CUX2: variants seen among roughly 807,000 people sequenced by gnomAD.
The protein encoded by CUX2 is cut like homeobox 2, also known as homeobox protein cut-like 2.
Under a neutral mutation model 144.8 loss-of-function variants are expected in CUX2, and 40 were observed. The ratio of observed to expected loss-of-function variants is 0.28; its 90% CI spans 0.21 to 0.36. The LOEUF is 0.36. CUX2 is among the 10% of genes least tolerant of loss of function. The pLI is 1.00. For missense variants in CUX2, 1,615 were observed against 1,994.0 expected, an observed-to-expected ratio of 0.81 and a Z score of 3.62; for synonymous variants, 827 against 875.6, an observed-to-expected ratio of 0.94 and a Z score of 0.98.
intron 1 of CUX2, among the ~76,000 whole-genome samples, chr12:111,199,859 G>A (rs1880471495): frequency 6.6e-6 from 1 of 152,060 alleles, no homozygotes; most frequent in Admixed American, 6.5e-5. Flanking sequence ...GTGCATTTAT[G>A]TGTCTGTGTG....
At chr12:111,319,959 G>C (rs1027699949) in intron 16 of CUX2, 53 bp from the exon 17 acceptor site, 30 of 1,417,864 alleles carry the variant, frequency 2.1e-5, no homozygotes, top group Non-Finnish European at 2.6e-5. Flanking sequence ...ATCGTCCCCT[G>C]CATGCCGAGC....
At chr12:111,317,531 A>G (rs965047241) in intron 16 of CUX2, among the ~76,000 whole-genome samples, 2 of 152,142 alleles carry the variant, frequency 1.3e-5, no homozygotes, top group African/African-American at 2.4e-5. Context: ...AAAATTCCCA[A>G]TAACTGAGAT....
At chr12:111,201,202 G>A (rs1415058984) in intron 1 of CUX2, among the ~76,000 whole-genome samples, 1 of 152,134 alleles carries the variant, frequency 6.6e-6, no homozygotes, top group South Asian at 2.1e-4. Context: ...GCCCTCTCCT[G>A]CCTGATGCCT....
At chr12:111,148,274 C>A (rs1226199228) in intron 1 of CUX2, among the ~76,000 whole-genome samples, 1 of 152,050 alleles carries the variant, frequency 6.6e-6, no homozygotes. Flanking sequence ...AGAAACCAGA[C>A]CCAAAGGGAC....
chr12:111,183,796 C>T (rs1368692504), intron 1 of CUX2, among the ~76,000 whole-genome samples: 1 of 152,144 alleles, frequency 6.6e-6, no homozygotes, highest in Non-Finnish European at 1.5e-5. Context: ...TGGCCTAGGG[C>T]ATTTGGGGAG....
chr12:111,325,559 C>T (rs550710819), intron 18 of CUX2, among the ~76,000 whole-genome samples: 7 of 151,488 alleles, frequency 4.6e-5, no homozygotes, highest in East Asian at 2.0e-4. Context: ...CCTAGGGTCC[C>T]GAAATGTGTC....
At chr12:111,183,382 T>A (rs1016483146) in intron 1 of CUX2, among the ~76,000 whole-genome samples, 2 of 152,174 alleles carry the variant, frequency 1.3e-5, no homozygotes, top group Non-Finnish European at 2.9e-5. Context: ...TCCAGTCCCC[T>A]CAGTTGGAGG....
In CUX2 at chr12:111,320,263, G is replaced by C; in HGVS notation, c.2254G>C (p.Gly752Arg). The C allele has an allele frequency of 1.3e-6, 2 of 1,591,168 alleles. No homozygotes were observed. Among genetic ancestry groups the C allele is most frequent in the Non-Finnish European group, 1.7e-6 (2 of 1,176,092 alleles). Residue 752 changes from glycine (G) to arginine (R), a missense_variant, in exon 17 of 22, where the codon GGG becomes CGG. By Grantham distance (125) the Gly-to-Arg change is moderately radical (BLOSUM62 -2). Transcript: ENST00000261726. This position sits in a 1 kb window ranked among gnomAD's most constrained non-coding sequence, Gnocchi z 8.1. ...PALVKQEEGS[G>R]GPAQAPLPVL... is the part of the protein sequence containing the mutation. ...CTTGGTGAAGCAGGAGGAGGGCAGC[G>C]GGGGCCCCGCGCAGGCGCCGCTCCC...
intron 1 of CUX2, among the ~76,000 whole-genome samples, chr12:111,162,093 A>G (rs930872887): frequency 1.3e-5 from 2 of 152,224 alleles, no homozygotes; most frequent in Non-Finnish European, 1.5e-5. Context: ...CCCATTTTAC[A>G]GAGGGGGAAA....
chr12:111,253,480 T>C (rs1035171195), intron 3 of CUX2, among the ~76,000 whole-genome samples: 1 of 152,198 alleles, frequency 6.6e-6, no homozygotes, highest in Non-Finnish European at 1.5e-5. Context: ...CTTCCCCTCC[T>C]GTGGCCCCAC....
At chr12:111,135,198 GA>G (rs368058590) in intron 1 of CUX2, among the ~76,000 whole-genome samples, 2,045 of 139,144 alleles carry the variant, frequency 0.015, 45 homozygotes, top group African/African-American at 0.05. Context: ...GTGCTATGAA[GA>G]AAAAAAAAAG....
chr12:111,115,267 AT>A, intron 1 of CUX2, among the ~76,000 whole-genome samples: 1 of 150,030 alleles, frequency 6.7e-6, no homozygotes, highest in Middle Eastern at 3.4e-3. Context: ...CAATTTGGAG[AT>A]AATAAAATTT....
intron 1 of CUX2, among the ~76,000 whole-genome samples, chr12:111,149,246 C>T (rs992377713): frequency 6.6e-5 from 10 of 152,204 alleles, no homozygotes; most frequent in Non-Finnish European, 1.5e-4. Context: ...CGTAAACTTT[C>T]TTAAAACATC....
intron 4 of CUX2, among the ~76,000 whole-genome samples, chr12:111,265,992 AG>A (rs1213460757): frequency 6.6e-6 from 1 of 152,172 alleles, no homozygotes; most frequent in Non-Finnish European, 1.5e-5. Flanking sequence ...GGGGTGGGAA[AG>A]TCCACTGTTC....
Position 111,178,805 on chromosome 12 carries a change from G to A in CUX2, c.64-35395G>A, listed in dbSNP as rs931905513. 6.6e-6 allele frequency among the ~76,000 whole-genome samples: 1 copy of A among 152,126 alleles called. No homozygotes were observed. On this transcript the variant is annotated intron_variant, in intron 1 of 21. Transcript: ENST00000261726. This position sits in a 1 kb window ranked among gnomAD's most constrained non-coding sequence, Gnocchi z 5.7. ...GGGCTCAGATGGAAGCGCAGGGGCC[G>A]TGGGGGCTTGGGGATGTCCTGTGGT...
chr12:111,136,960 C>T (rs1875931054), intron 1 of CUX2, among the ~76,000 whole-genome samples: 1 of 149,038 alleles, frequency 6.7e-6, no homozygotes, highest in Non-Finnish European at 1.5e-5. Context: ...TTTTTTGAGA[C>T]AGGGTCTCGC....
chr12:111,083,022 G>T (rs1011680216), intron 1 of CUX2, among the ~76,000 whole-genome samples: 1 of 152,152 alleles, frequency 6.6e-6, no homozygotes, highest in African/African-American at 2.4e-5. Context: ...GCCGTTTCAT[G>T]GTAGGGGCTG....
chr12:111,098,511 A>G (rs1872979071), intron 1 of CUX2, among the ~76,000 whole-genome samples: 1 of 152,156 alleles, frequency 6.6e-6, no homozygotes, highest in African/African-American at 2.4e-5. Flanking sequence ...CTTTCAAAGT[A>G]GATACGCATC....
rs1339826636 is a variant in CUX2 at position 111,059,990 on chromosome 12, T to TTAGGTGCCACAA, written c.63+25750_63+25751insTAGGTGCCACAA. ...GGAAATCATGGCAGGGAGGTGGCAG[T>TTAGGTGCCACAA]GACTTCTGTTAGGTCTTGTGGCAGT... is the stretch of plus-strand genomic sequence containing the variant. On this transcript the variant is annotated intron_variant, in intron 1 of 21. Coordinates refer to ENST00000261726, the MANE Select transcript of CUX2 (RefSeq NM_015267.4). This position sits in a 1 kb window ranked among gnomAD's most constrained non-coding sequence, Gnocchi z 5.3. Among the ~76,000 whole-genome samples the TTAGGTGCCACAA allele has an allele frequency of 6.6e-6, 1 of 152,184 alleles. No individual in the cohort carries two copies. Among genetic ancestry groups the TTAGGTGCCACAA allele is most frequent in the Non-Finnish European group, 1.5e-5 (1 of 68,036 alleles).
Sources: gnomAD v4.1 joint callset for allele counts (sites outside exome capture counted in the v4.1 genomes callset) on GRCh38, gnomAD v4.1.1 for gene constraint, Gnocchi (gnomAD v3.1) non-coding constraint, MANE v1.5 for transcripts, NCBI Gene and HGNC (gene_info 2026-07-23, HGNC 2026-07-21) for gene names.